DENND1A: variants seen among roughly 807,000 people sequenced by gnomAD.
The protein encoded by DENND1A is DENN domain-containing protein 1A.
Under a neutral mutation model 113.7 loss-of-function variants are expected in DENND1A, and 51 were observed. That is an observed-to-expected ratio of 0.45 (90% CI 0.36 to 0.57). The LOEUF is 0.57. Among genes scored for constraint, DENND1A ranks in the 20% least tolerant of loss-of-function variants. The pLI is 0.00. For synonymous variants in DENND1A, 565 were observed against 570.8 expected, an observed-to-expected ratio of 0.99 and a Z score of 0.14; for missense variants, 1,258 against 1,395.9, an observed-to-expected ratio of 0.90 and a Z score of 1.57.
intron 10 of DENND1A, among the ~76,000 whole-genome samples, chr9:123,627,841 G>C (rs960377639): frequency 6.6e-6 from 1 of 152,136 alleles, no homozygotes; most frequent in African/African-American, 2.4e-5. Context: ...GGAAACCAGA[G>C]GGGGCTGAGT....
intron 9 of DENND1A, among the ~76,000 whole-genome samples, chr9:123,634,129 A>G (rs1474521386): frequency 6.6e-6 from 1 of 152,238 alleles, no homozygotes; most frequent in Non-Finnish European, 1.5e-5. Context: ...CAGAGATCTC[A>G]TCTTCAGATA....
chr9:123,520,191 T>C (rs920409847), intron 13 of DENND1A, among the ~76,000 whole-genome samples: 1 of 147,850 alleles, frequency 6.8e-6, no homozygotes, highest in African/African-American at 2.5e-5. Flanking sequence ...CTGTGGTGGC[T>C]TATGCCTGTA....
At chr9:123,694,002 ATT>A (rs1158846185) in intron 5 of DENND1A, among the ~76,000 whole-genome samples, 3 of 139,824 alleles carry the variant, frequency 2.1e-5, no homozygotes, top group Admixed American at 1.4e-4. Context: ...TAAATTTTGT[ATT>A]TTTTTTTTTT....
chr9:123,642,240 T>G (rs902442059), intron 9 of DENND1A, among the ~76,000 whole-genome samples: 1 of 152,254 alleles, frequency 6.6e-6, no homozygotes, highest in African/African-American at 2.4e-5. Context: ...TATCTATACA[T>G]TTTAAAGCCA....
At chr9:123,891,895 T>C (rs912944965) in intron 1 of DENND1A, among the ~76,000 whole-genome samples, 1 of 152,154 alleles carries the variant, frequency 6.6e-6, no homozygotes, top group Non-Finnish European at 1.5e-5. Context: ...ACAAGTGAGC[T>C]GAGCCCTCTG....
intron 18 of DENND1A, among the ~76,000 whole-genome samples, chr9:123,443,061 A>T (rs978588765): frequency 6.6e-6 from 1 of 152,182 alleles, no homozygotes; most frequent in Non-Finnish European, 1.5e-5. Context: ...TCCCACAATG[A>T]TCACAAGGTA....
At chr9:123,785,292 C>G (rs1000216002) in intron 3 of DENND1A, among the ~76,000 whole-genome samples, 2 of 152,092 alleles carry the variant, frequency 1.3e-5, no homozygotes, top group Non-Finnish European at 2.9e-5. Flanking sequence ...TTTGAGGATA[C>G]AGTGAGCTAT....
chr9:123,584,840 G>C (rs1420221440), intron 11 of DENND1A, among the ~76,000 whole-genome samples: 1 of 152,130 alleles, frequency 6.6e-6, no homozygotes, highest in Admixed American at 6.6e-5. Context: ...CTGAGCCCCA[G>C]CACCTCTCTG....
chr9:123,706,525 A>G (rs1459396943), intron 5 of DENND1A, among the ~76,000 whole-genome samples: 2 of 151,812 alleles, frequency 1.3e-5, no homozygotes, highest in Non-Finnish European at 2.9e-5. Context: ...TAATCCCAGC[A>G]CTTTGGGAGG....
At chr9:123,865,908 G>C (rs1428539451) in intron 2 of DENND1A, among the ~76,000 whole-genome samples, 1 of 152,116 alleles carries the variant, frequency 6.6e-6, no homozygotes, top group Non-Finnish European at 1.5e-5. Context: ...GGGGCATTTT[G>C]GGGGGATGTA....
intron 10 of DENND1A, among the ~76,000 whole-genome samples, chr9:123,613,008 C>T (rs755825932): frequency 9.2e-5 from 14 of 152,132 alleles, no homozygotes; most frequent in Admixed American, 8.5e-4. Flanking sequence ...GTAGCATACC[C>T]GCTCTAGGAT....
intron 13 of DENND1A, among the ~76,000 whole-genome samples, chr9:123,548,835 C>G (rs573385243): frequency 2.0e-5 from 3 of 152,136 alleles, no homozygotes; most frequent in Non-Finnish European, 4.4e-5. Flanking sequence ...TGAATGATTC[C>G]GCTTCTATGA....
At chr9:123,565,288 G>A (rs570794267) in intron 12 of DENND1A, among the ~76,000 whole-genome samples, 25 of 152,236 alleles carry the variant, frequency 1.6e-4, no homozygotes, top group East Asian at 9.7e-4. Flanking sequence ...CACCGCACCC[G>A]GCCTAATGTC....
chr9:123,735,219 T>A (rs944046666), intron 5 of DENND1A, among the ~76,000 whole-genome samples: 9 of 152,210 alleles, frequency 5.9e-5, no homozygotes, highest in African/African-American at 2.2e-4. Flanking sequence ...TGACCATTTC[T>A]AGATGTTCTA....
At chr9:123,393,367 T>C (rs540209087) in intron 21 of DENND1A, among the ~76,000 whole-genome samples, 18 of 152,164 alleles carry the variant, frequency 1.2e-4, no homozygotes, top group African/African-American at 4.1e-4. Context: ...CTCAGCTGAA[T>C]GTATGTCAGC....
At position 123,476,286 on chromosome 9, in the gene DENND1A, G is replaced by T. The variant is rs570174939; in HGVS notation, c.994-18389C>A. On this transcript the variant is annotated intron_variant, in intron 13 of 23. Coordinates refer to ENST00000394215, the MANE Select transcript of DENND1A (RefSeq NM_001352964.2). ...CGTATATGAGAGATGATCTCCTCCA[G>T]CTGATAAAGGGGTCACGATGGTGTG... 5.9e-5 allele frequency among the ~76,000 whole-genome samples: 9 copies of T among 152,286 alleles called. No homozygotes were observed. The Middle Eastern group carries it at 0.01, about 173-fold the overall frequency.
In DENND1A at chr9:123,411,837, A is replaced by G. The variant is rs1303638355; in HGVS notation, c.1489-8T>C. The G allele has an allele frequency of 4.1e-6, 4 of 985,710 alleles. No individual in the cohort carries two copies. Among genetic ancestry groups the G allele is most frequent in the South Asian group, 9.4e-5 (2 of 21,282 alleles). 61.1% of individuals were successfully genotyped at this position (985,710 alleles called of 1,614,324 possible). A position where few individuals can be genotyped will look rare whatever the true frequency, so the allele number is the denominator to read the frequency against. ...GGGACGCAGTCTCTGCAGCTGCATTAAAGTGGAAACTTACAACATCAGGAC... is the reference window on the plus strand; with the variant it reads ...GGGACGCAGTCTCTGCAGCTGCATTGAAGTGGAAACTTACAACATCAGGAC... On this transcript the variant is annotated splice_polypyrimidine_tract_variant and splice_region_variant and intron_variant, in intron 19 of 23. Transcript: ENST00000394215.
At chr9:123,789,887 G>A (rs575816447) in intron 3 of DENND1A, among the ~76,000 whole-genome samples, 2 of 152,196 alleles carry the variant, frequency 1.3e-5, no homozygotes, top group African/African-American at 2.4e-5. Flanking sequence ...AGCAGCAAGC[G>A]TCTCTGATCA....
intron 9 of DENND1A, among the ~76,000 whole-genome samples, chr9:123,638,468 G>T (rs1055095849): frequency 1.3e-5 from 2 of 152,068 alleles, no homozygotes; most frequent in Non-Finnish European, 2.9e-5. Context: ...TTCCTCACAT[G>T]CACTTTTGTT....
Sources: gnomAD v4.1 joint callset for allele counts (sites outside exome capture counted in the v4.1 genomes callset) on GRCh38, gnomAD v4.1.1 for gene constraint, MANE v1.5 for transcripts, NCBI Gene and HGNC (gene_info 2026-07-23, HGNC 2026-07-21) for gene names.